UXS1: variants seen among roughly 807,000 people sequenced by gnomAD.
UXS1 encodes the protein UDP-glucuronate decarboxylase 1.
Under a neutral mutation model 62.6 loss-of-function variants are expected in UXS1, and 33 were observed. The observed-to-expected ratio is 0.53, with a 90% CI of 0.40 to 0.70. The LOEUF (loss-of-function observed/expected upper bound fraction) is 0.70. UXS1 is among the 30% of genes least tolerant of loss of function. UXS1 has a pLI of 0.00. For synonymous variants in UXS1, 213 were observed against 206.8 expected, an observed-to-expected ratio of 1.03 and a Z score of -0.26; for missense variants, 434 against 556.3, an observed-to-expected ratio of 0.78 and a Z score of 2.21.
At chr2:106,177,527 ATTTG>A (rs1395120692) in intron 1 of UXS1, among the ~76,000 whole-genome samples, 1 of 152,212 alleles carries the variant, frequency 6.6e-6, no homozygotes, top group African/African-American at 2.4e-5. Context: ...CTATTCATGT[ATTTG>A]TTTATTTTAG....
At chr2:106,154,744 T>C (rs1170232932) in intron 5 of UXS1, among the ~76,000 whole-genome samples, 1 of 152,074 alleles carries the variant, frequency 6.6e-6, no homozygotes, top group East Asian at 1.9e-4. Context: ...AAAAGAAAAA[T>C]GACTTGTCAC....
chr2:106,188,368 G>T lies in UXS1; in HGVS notation c.94+5780C>A, dbSNP rs1434423926. On this transcript the variant is annotated intron_variant, in intron 1 of 14. Transcript: ENST00000283148. The stretch of plus-strand genomic sequence containing the variant: ...GTGGAATGGCCCATTTATACTTAGG[G>T]TCAAGAACTGGGCCAGGCCTGGAGC... 3.9e-5 allele frequency among the ~76,000 whole-genome samples: 6 copies of T among 152,298 alleles called. No individual in the cohort carries two copies. The East Asian group carries it at 1.2e-3, about 29-fold the overall frequency.
At chr2:106,105,799 T>C (rs1261022163) in intron 10 of UXS1, among the ~76,000 whole-genome samples, 2 of 152,176 alleles carry the variant, frequency 1.3e-5, no homozygotes, top group Non-Finnish European at 2.9e-5. Flanking sequence ...AAGCGCGGCA[T>C]CACAGGAACA....
rs1478736612 is a variant in UXS1, at chr2:106,093,805, T to G, written c.*221A>C. 1.1e-5 allele frequency: 6 copies of G among 524,466 alleles called. No homozygotes were observed. In the African/African-American group the frequency reaches 1.2e-4, roughly 10 times the overall value. The allele number at this position is 524,466 out of a possible 1,614,324, so 32.5% of individuals were successfully genotyped here. On this transcript the variant is annotated 3_prime_UTR_variant, in exon 15 of 15. Transcript: ENST00000283148. ...TACGCAGAGATGCATCTACGCTATT[T>G]TACATAAAAAGAGAGATTCAAAAAG...
At chr2:106,140,567 GC>G (rs1320197577) in intron 6 of UXS1, among the ~76,000 whole-genome samples, 4 of 149,402 alleles carry the variant, frequency 2.7e-5, no homozygotes, top group Admixed American at 1.3e-4. Flanking sequence ...CTCTCCTGGT[GC>G]CCCCACCCCC....
Position 106,104,854 on chromosome 2 carries a change from A to C in UXS1, c.880-17T>G, listed in dbSNP as rs1199117733. The C allele has an allele frequency of 1.2e-6, 2 of 1,613,956 alleles. No individual in the cohort carries two copies. Among genetic ancestry groups the C allele is most frequent in the Admixed American group, 3.3e-5 (2 of 60,018 alleles). ...TCCGTATACCTGGAAGGAAACCAAC[A>C]GTTAGGCCTCCTGATAAAACCACAC... is the stretch of plus-strand genomic sequence containing the variant. On this transcript the variant is annotated splice_polypyrimidine_tract_variant and intron_variant, in intron 10 of 14. Transcript: ENST00000283148.
At chr2:106,181,055 C>T (rs760716370) in intron 1 of UXS1, among the ~76,000 whole-genome samples, 1 of 152,190 alleles carries the variant, frequency 6.6e-6, no homozygotes, top group East Asian at 1.9e-4. Flanking sequence ...ATGGAACGAA[C>T]AGATACATTA....
chr2:106,141,509 G>A (rs144065493), intron 6 of UXS1, among the ~76,000 whole-genome samples: 12 of 152,262 alleles, frequency 7.9e-5, no homozygotes, highest in African/African-American at 2.9e-4. Flanking sequence ...CACCCAGGCT[G>A]GAGTGCGGTG....
At chr2:106,158,217 T>TA (rs1682603342) in intron 4 of UXS1, 99 bp from the exon 5 acceptor site, 2 of 1,042,666 alleles carry the variant, frequency 1.9e-6, no homozygotes, top group Non-Finnish European at 2.9e-6. Context: ...TTGGGACTGT[T>TA]ATTGTTTGCT....
At chr2:106,158,261 C>T in intron 4 of UXS1, 143 bp from the exon 5 acceptor site, 1 of 684,200 alleles carries the variant, frequency 1.5e-6, no homozygotes, top group Non-Finnish European at 2.5e-6. Flanking sequence ...GCTGGAGAAA[C>T]CAAGGAGTCA....
chr2:106,158,334 T>C (rs1475765185), intron 4 of UXS1, among the ~76,000 whole-genome samples: 2 of 152,264 alleles, frequency 1.3e-5, no homozygotes, highest in South Asian at 2.1e-4. Context: ...GCTAAAGACG[T>C]GACTTGAGAT....
In UXS1 at chr2:106,159,836, C is replaced by T. The variant is rs752706900; in HGVS notation, c.231-1718G>A. Among the ~76,000 whole-genome samples the T allele has an allele frequency of 5.9e-4, 90 of 152,294 alleles. 2 individuals are homozygous for T. Among genetic ancestry groups the T allele is most frequent in the Non-Finnish European group, 1.9e-4 (13 of 68,030 alleles). ...TTTCTCATCTCCAGAAAGCCCTGAG[C>T]GTGCTTAAATTGGAGTGAAAGGGCT... On this transcript the variant is annotated intron_variant, in intron 4 of 14. Transcript: ENST00000283148.
At chr2:106,152,679 C>A (rs1044106625) in intron 5 of UXS1, among the ~76,000 whole-genome samples, 1 of 152,018 alleles carries the variant, frequency 6.6e-6, no homozygotes, top group Non-Finnish European at 1.5e-5. Flanking sequence ...TTGAGTCCAT[C>A]CCCACAGTTT....
intron 11 of UXS1, among the ~76,000 whole-genome samples, chr2:106,103,313 CACA>C (rs764192915): frequency 2.0e-5 from 3 of 152,210 alleles, no homozygotes; most frequent in Admixed American, 6.5e-5. Flanking sequence ...CCTTTTACCG[CACA>C]ACATCTCATT....
intron 1 of UXS1, among the ~76,000 whole-genome samples, chr2:106,174,088 T>C (rs1471979665): frequency 1.2e-4 from 6 of 51,570 alleles, no homozygotes; most frequent in African/African-American, 4.7e-4. Flanking sequence ...AGGAAGAGGA[T>C]TGGGGGGGGC....
intron 7 of UXS1, among the ~76,000 whole-genome samples, chr2:106,128,448 G>A (rs571130918): frequency 3.9e-5 from 6 of 152,248 alleles, no homozygotes; most frequent in African/African-American, 1.4e-4. Flanking sequence ...CCGGAAGAGA[G>A]GATAATTTGA....
intron 10 of UXS1, among the ~76,000 whole-genome samples, chr2:106,109,602 T>C (rs1166445435): frequency 4.6e-5 from 7 of 152,208 alleles, no homozygotes; most frequent in Non-Finnish European, 1.0e-4. Context: ...AAAATAAACT[T>C]AGGACAATAG....
intron 5 of UXS1, 53 bp downstream of exon 5, chr2:106,158,005 G>T: frequency 6.9e-7 from 1 of 1,439,880 alleles, no homozygotes; most frequent in South Asian, 1.3e-5. Context: ...ATCTCTCAAC[G>T]AAAAAAGAAA....
intron 5 of UXS1, among the ~76,000 whole-genome samples, chr2:106,154,966 G>A (rs1169391120): frequency 1.3e-5 from 2 of 152,136 alleles, no homozygotes; most frequent in Non-Finnish European, 2.9e-5. Context: ...TGAGGGCTTC[G>A]GAGAGCTTTC....
Sources: allele counts gnomAD v4.1 joint callset (sites outside exome capture counted in the v4.1 genomes callset), GRCh38; gene constraint gnomAD v4.1.1; transcripts MANE v1.5; gene names NCBI Gene and HGNC (gene_info 2026-07-23, HGNC 2026-07-21).